The following KLHL10 variants were observed in gnomAD, a reference collection of about 807,000 sequenced individuals.
KLHL10 encodes the protein kelch-like protein 10.
In KLHL10, 11 loss-of-function variants were observed where a neutral mutation model predicts 46.6. That is an observed-to-expected ratio of 0.24 (90% CI 0.15 to 0.39). KLHL10 has a LOEUF of 0.39. Ranked by LOEUF, KLHL10 falls within the 10% of genes least tolerant of loss-of-function variation. The probability of loss-of-function intolerance (pLI) is 1.00; values close to 1 mark genes in which losing one functional copy is unlikely to be tolerated. For missense variants in KLHL10, 475 were observed against 789.8 expected, an observed-to-expected ratio of 0.60 and a Z score of 4.78; for synonymous variants, 254 against 279.1, an observed-to-expected ratio of 0.91 and a Z score of 0.90.
intron 2 of KLHL10, among the ~76,000 whole-genome samples, chr17:41,843,996 C>T (rs759351847): frequency 3.4e-4 from 51 of 151,738 alleles, no homozygotes; most frequent in Non-Finnish European, 7.1e-4. Flanking sequence ...CTCCTGACCT[C>T]GTGATCCGCC....
rs782292158 is a variant in KLHL10 at position 41,841,951 on chromosome 17, A to G, written c.323A>G (p.Asn108Ser). 5.6e-6 allele frequency: 9 copies of G among 1,614,080 alleles called. No homozygotes were observed. The highest frequency in any genetic ancestry group is 6.8e-6 in the Non-Finnish European group (8 of 1,180,048). The change falls in exon 2 of 5, where the codon AAT becomes AGT. Residue 108 changes from asparagine (N) to serine (S), a missense_variant. Transcript: ENST00000293303. The part of the protein sequence containing the change: ...YTRTVPITPD[N>S]VEKLLAAADQ... ...CGGACCGTGCCTATCACACCGGACA[A>G]TGTGGAGAAACTGCTTGCTGCTGCA...
Position 41,845,492 on chromosome 17 carries a change from G to C in KLHL10, c.1051G>C (p.Asp351His). 6.2e-7 allele frequency: 1 copy of C among 1,614,222 alleles called. No individual in the cohort carries two copies. The highest frequency in any genetic ancestry group is 1.3e-5 in the African/African-American group (1 of 75,058). Residue 351 changes from aspartate (D) to histidine (H), a missense_variant, in exon 3 of 5, where the codon GAC becomes CAC. Coordinates refer to ENST00000293303, the MANE Select transcript of KLHL10 (RefSeq NM_152467.5). ...TATCATTGGGGGGTTTGATAGTGTA[G>C]ACTATTTCAATAGTGTTAAGCGTTT... Reference protein sequence around the residue: ...VYIIGGFDSVDYFNSVKRFDP... With the variant: ...VYIIGGFDSVHYFNSVKRFDP...
Position 41,845,215 on chromosome 17 carries a change from C to T in KLHL10, c.774C>T (p.Val258=). 1 of 1,614,166 alleles carries T rather than the reference C, an allele frequency of 6.2e-7. No homozygotes were observed. The highest frequency in any genetic ancestry group is 8.5e-7 in the Non-Finnish European group (1 of 1,180,034). ...AAGACAGTGAGGAATGCAAACCAGT[C>T]ATCATTAATGCCCTAAAGGCCATGT... ...YVKDSEECKP[V]IINALKAMYD... Residue 258 remains valine (V), a synonymous_variant, in exon 3 of 5, where the codon GTC becomes GTT. Coordinates refer to ENST00000293303, the MANE Select transcript of KLHL10 (RefSeq NM_152467.5).
At chr17:41,835,986 C>A (rs1555619941), upstream of KLHL10, 2 of 1,539,730 alleles carry the variant, frequency 1.3e-6, no homozygotes, top group South Asian at 1.2e-5. Flanking sequence ...GAACCACTGA[C>A]CCCTGCGCCA....
chr17:41,845,881 G>T (rs533619821), intron 3 of KLHL10, 138 bp downstream of exon 3: 4 of 1,107,426 alleles, frequency 3.6e-6, no homozygotes, highest in East Asian at 5.0e-5. Context: ...AATTGACAAG[G>T]TGACTAGTTG....
upstream of KLHL10, among the ~76,000 whole-genome samples, chr17:41,837,251 A>T (rs782550113): frequency 3.9e-5 from 6 of 152,186 alleles, no homozygotes; most frequent in Non-Finnish European, 8.8e-5. Context: ...TACAACCTCC[A>T]TCTCCTGGGT....
At position 41,845,310 on chromosome 17, in the gene KLHL10, A is replaced by G; in HGVS notation, c.869A>G (p.Tyr290Cys). 1 of 1,614,212 alleles carries G rather than the reference A, an allele frequency of 6.2e-7. No homozygotes were observed. The highest frequency in any genetic ancestry group is 8.5e-7 in the Non-Finnish European group (1 of 1,180,036). ...TNPLTRPRLP[Y>C]AILFAIGGWS... ...CCACTCACCAGACCACGCTTGCCCT[A>G]TGCCATCCTCTTTGCAATTGGTGGC... is the stretch of plus-strand genomic sequence containing the variant. Residue 290 changes from tyrosine to cysteine, a missense_variant, in exon 3 of 5, where the codon TAT becomes TGT. Coordinates refer to ENST00000293303, the MANE Select transcript of KLHL10 (RefSeq NM_152467.5).
intron 3 of KLHL10, among the ~76,000 whole-genome samples, chr17:41,845,955 TA>T (rs1445978671): frequency 6.6e-6 from 1 of 152,132 alleles, no homozygotes; most frequent in Non-Finnish European, 1.5e-5. Context: ...CTCAAGCCCG[TA>T]ATCCCAGCAC....
intron 4 of KLHL10, among the ~76,000 whole-genome samples, 156 bp downstream of exon 4, chr17:41,847,566 C>T (rs2048302676): frequency 6.6e-6 from 1 of 151,234 alleles, no homozygotes; most frequent in Non-Finnish European, 1.5e-5. Flanking sequence ...ACTGCAGTGG[C>T]AGGATCTCGG....
chr17:41,836,769 T>C (rs1190108312), upstream of KLHL10, among the ~76,000 whole-genome samples: 1 of 151,910 alleles, frequency 6.6e-6, no homozygotes, highest in Non-Finnish European at 1.5e-5. Flanking sequence ...CAGGCTCCAG[T>C]AGGCCGAGAT....
upstream of KLHL10, chr17:41,836,205 C>T: frequency 1.6e-6 from 2 of 1,244,820 alleles, no homozygotes; most frequent in Non-Finnish European, 2.0e-6. Context: ...CCGTTCGAGG[C>T]CTGGTCGGCG....
chr17:41,836,293 G>GGGGCCGGGGGCGGGGCGGGGGTA, upstream of KLHL10: 1 of 1,231,750 alleles, frequency 8.1e-7, no homozygotes, highest in Non-Finnish European at 1.0e-6. Context: ...GGGGGTTGGT[G>GGGGCCGGGGGCGGGGCGGGGGTA]GGGCCGGGGG....
intron 3 of KLHL10, 40 bp from the exon 4 acceptor site, chr17:41,847,220 CT>C: frequency 6.3e-7 from 1 of 1,597,566 alleles, no homozygotes; most frequent in Non-Finnish European, 8.6e-7. Flanking sequence ...TTTCTACTCC[CT>C]AGAGTGGGAA....
intron 1 of KLHL10, among the ~76,000 whole-genome samples, chr17:41,839,063 C>G (rs1480470964): frequency 6.6e-6 from 1 of 152,140 alleles, no homozygotes; most frequent in Non-Finnish European, 1.5e-5. Context: ...GTGATCTCGG[C>G]TCACTGCAAC....
chr17:41,845,672 A>C lies in KLHL10; in HGVS notation c.1231A>C (p.Asn411His). 1 of 1,611,694 alleles carries C rather than the reference A, an allele frequency of 6.2e-7. No homozygotes were observed. The highest frequency in any genetic ancestry group is 1.3e-5 in the African/African-American group (1 of 74,968). The change falls in exon 3 of 5, where the codon AAT becomes CAT. Residue 411 changes from asparagine to histidine, a missense_variant. Transcript: ENST00000293303. ...NTAERYEPET[N>H]QWTLIAPMHE... is the part of the protein sequence containing the mutation. ...TGCTGAACGTTATGAGCCAGAGACC[A>C]ATCAATGGACACTCATCGCCCCCAT...
At chr17:41,836,425 G>A (rs1460653265), upstream of KLHL10, 2 of 985,078 alleles carry the variant, frequency 2.0e-6, no homozygotes, top group African/African-American at 3.5e-5. Flanking sequence ...CAGGGTGAAG[G>A]TCCCAAGGTG....
chr17:41,846,916 A>C (rs1158503549), intron 3 of KLHL10, among the ~76,000 whole-genome samples: 1 of 152,138 alleles, frequency 6.6e-6, no homozygotes, highest in Non-Finnish European at 1.5e-5. Flanking sequence ...GGAGTTCGAG[A>C]CCAGCCTGGA....
chr17:41,845,755 G>C lies in KLHL10; in HGVS notation c.1302+12G>C, dbSNP rs369927964. 1 of 1,614,042 alleles carries C rather than the reference G, an allele frequency of 6.2e-7. No homozygotes were observed. The highest frequency in any genetic ancestry group is 1.7e-5 in the Admixed American group (1 of 60,008). ...CACTTTATGGGAAGGTAAAGGACCAGGGTGGGAGGGGAAGATGTGGATGCA... is the reference window on the plus strand; with the variant it reads ...CACTTTATGGGAAGGTAAAGGACCACGGTGGGAGGGGAAGATGTGGATGCA... On this transcript the variant is annotated intron_variant, in intron 3 of 4. Transcript: ENST00000293303.
At chr17:41,836,536 A>G, upstream of KLHL10, 6 of 869,078 alleles carry the variant, frequency 6.9e-6, no homozygotes, top group Non-Finnish European at 8.3e-6. Flanking sequence ...CAAAAACATG[A>G]CTGGGGCTGG....
Sources: gnomAD v4.1 joint callset for allele counts (sites outside exome capture counted in the v4.1 genomes callset) on GRCh38, gnomAD v4.1.1 for gene constraint, MANE v1.5 for transcripts, NCBI Gene and HGNC (gene_info 2026-07-23, HGNC 2026-07-21) for gene names.